F13A1: variants seen among roughly 807,000 people sequenced by gnomAD.
The protein encoded by F13A1 is coagulation factor XIII A chain, also known as FSF, A subunit.
In F13A1, 47 loss-of-function variants were observed where a neutral mutation model predicts 80.1. The ratio of observed to expected loss-of-function variants is 0.59; its 90% CI spans 0.46 to 0.75. The LOEUF (loss-of-function observed/expected upper bound fraction) is 0.75, where lower values mean the gene tolerates loss of function less well. F13A1 is among the 30% of genes least tolerant of loss of function. F13A1 has a pLI of 0.00. For missense variants in F13A1, 817 were observed against 930.4 expected (o/e 0.88, Z 1.59); for synonymous variants, 349 against 344.9 (o/e 1.01, Z -0.13).
chr6:6,314,599 G>A (rs1485980246), intron 2 of F13A1, among the ~76,000 whole-genome samples: 2 of 152,046 alleles, frequency 1.3e-5, no homozygotes, highest in Admixed American at 6.6e-5. Flanking sequence ...CCACCACACC[G>A]CTAGACATTG....
intron 8 of F13A1, among the ~76,000 whole-genome samples, chr6:6,198,296 GTAT>G (rs1489309029): frequency 1.3e-5 from 2 of 152,144 alleles, no homozygotes; most frequent in Non-Finnish European, 1.5e-5. Flanking sequence ...ATCATGAATT[GTAT>G]TATTATGTCC....
At position 6,253,071 on chromosome 6, in the gene F13A1, A is replaced by C. The variant is rs578174582; in HGVS notation, c.572-2142T>G. ...CTACTCGGGAGGCTGAGGCAGGAGA[A>C]TCGCTTGAGCCCAGGAGGCCGAGAT... On this transcript the variant is annotated intron_variant, in intron 4 of 14. Transcript: ENST00000264870. Among the ~76,000 whole-genome samples, 101 of 148,636 alleles carry C rather than the reference A, an allele frequency of 6.8e-4. 1 individual carries two copies. Among genetic ancestry groups the C allele is most frequent in the African/African-American group, 2.5e-3 (100 of 40,602 alleles).
chr6:6,283,753 T>A (rs1453897966), intron 3 of F13A1, among the ~76,000 whole-genome samples: 2 of 152,194 alleles, frequency 1.3e-5, no homozygotes, highest in Non-Finnish European at 2.9e-5. Context: ...GGAGCACCAA[T>A]CTTGATTCTT....
At position 6,145,315 on chromosome 6, in the gene F13A1, G is replaced by C. The variant is rs1760256871; in HGVS notation, c.*304C>G. The C allele has an allele frequency of 2.5e-6, 1 of 396,736 alleles. No homozygotes were observed. The highest frequency in any genetic ancestry group is 4.8e-6 in the Non-Finnish European group (1 of 209,500). The allele number at this position is 396,736 out of a possible 1,614,324, so 24.6% of individuals were successfully genotyped here. ...TGGTAAGAGAGCCCACTGATATTTG[G>C]AGATGTAGCCATTTGTGATGATAAA... On this transcript the variant is annotated 3_prime_UTR_variant, in exon 15 of 15. Transcript: ENST00000264870.
At chr6:6,209,639 C>T (rs1761565714) in intron 8 of F13A1, among the ~76,000 whole-genome samples, 1 of 152,148 alleles carries the variant, frequency 6.6e-6, no homozygotes, top group Admixed American at 6.5e-5. Context: ...CCTGGTTTAT[C>T]CACACAATGA....
chr6:6,170,556 G>A (rs932967899), intron 12 of F13A1, among the ~76,000 whole-genome samples: 4 of 152,174 alleles, frequency 2.6e-5, no homozygotes, highest in South Asian at 2.1e-4. Flanking sequence ...TATCATTTAC[G>A]GTGTCTGGGG....
intron 10 of F13A1, among the ~76,000 whole-genome samples, chr6:6,193,546 G>A (rs767323141): frequency 2.0e-5 from 3 of 152,140 alleles, no homozygotes; most frequent in East Asian, 1.9e-4. Flanking sequence ...CCCCTGGAGC[G>A]CAGCCCATGC....
chr6:6,247,355 AATATAAGTATTTCT>A (rs1757566538), intron 6 of F13A1, among the ~76,000 whole-genome samples: 2 of 152,220 alleles, frequency 1.3e-5, no homozygotes, highest in Admixed American at 1.3e-4. Flanking sequence ...GGAAATTGGT[AATATAAGTATTTCT>A]TTTTTTCAGT....
chr6:6,271,490 A>G (rs1252829496), intron 3 of F13A1, among the ~76,000 whole-genome samples: 1 of 152,154 alleles, frequency 6.6e-6, no homozygotes, highest in African/African-American at 2.4e-5. Flanking sequence ...GTTTGCCTAG[A>G]GTATATAATG....
intron 8 of F13A1, among the ~76,000 whole-genome samples, chr6:6,214,300 G>A (rs1323907992): frequency 6.6e-6 from 1 of 151,868 alleles, no homozygotes; most frequent in African/African-American, 2.4e-5. Flanking sequence ...CTCAGCAAAT[G>A]TAAAAGAACA....
intron 12 of F13A1, among the ~76,000 whole-genome samples, chr6:6,168,372 T>C (rs1159457133): frequency 1.3e-5 from 2 of 152,104 alleles, no homozygotes; most frequent in African/African-American, 2.4e-5. Flanking sequence ...GGGCTGAGGA[T>C]GGTGAGTTCT....
Position 6,197,306 on chromosome 6 carries a change from T to G in F13A1, c.1133A>C (p.Glu378Ala). 1 of 1,614,152 alleles carries G rather than the reference T, an allele frequency of 6.2e-7. No individual in the cohort carries two copies. Among genetic ancestry groups the G allele is most frequent in the Non-Finnish European group, 8.5e-7 (1 of 1,180,002 alleles). Residue 378 changes from glutamate to alanine, a missense_variant, in exon 9 of 15, where the codon GAA becomes GCA. Physicochemically the swap from Glu to Ala is moderately radical, Grantham distance 107. Transcript: ENST00000264870. ...DSVWNYHCWN[E>A]AWMTRPDLPV... ...AAGGTCAGGCCTTGTCATCCATGCT[T>G]CATTCCAGCAGTGGTAGTTCCTTAG... is the stretch of plus-strand genomic sequence containing the variant.
intron 11 of F13A1, among the ~76,000 whole-genome samples, chr6:6,178,050 G>C (rs891781224): frequency 8.8e-5 from 12 of 136,584 alleles, no homozygotes; most frequent in East Asian, 2.5e-4. Flanking sequence ...GGAGAGGGGG[G>C]GGGGGGTGGG....
At position 6,305,332 on chromosome 6, in the gene F13A1, G is replaced by A; in HGVS notation, c.319+19C>T. ...TGCAACCCATGGTGTCAAGACTGGA[G>A]CTTGCACATGGCACTCACCAATGAC... On this transcript the variant is annotated intron_variant, in intron 3 of 14. Transcript: ENST00000264870. 6.2e-7 allele frequency: 1 copy of A among 1,614,024 alleles called. No homozygotes were observed. Among genetic ancestry groups the A allele is most frequent in the Non-Finnish European group, 8.5e-7 (1 of 1,179,894 alleles).
rs757638656 is a variant in F13A1 at position 6,320,593 on chromosome 6, G to A, written c.-25C>T. ...TGCAGGGTCGGTGGCTTACCTGCAGGCGCTCCCCTCCAGAGGTGCCCTCGC... is the reference window on the plus strand; with the variant it reads ...TGCAGGGTCGGTGGCTTACCTGCAGACGCTCCCCTCCAGAGGTGCCCTCGC... On this transcript the variant is annotated 5_prime_UTR_variant, in exon 1 of 15. Transcript: ENST00000264870. 1 of 469,008 alleles carries A rather than the reference G, an allele frequency of 2.1e-6. No individual in the cohort carries two copies. Among genetic ancestry groups the A allele is most frequent in the Non-Finnish European group, 4.4e-6 (1 of 225,872 alleles). The allele number at this position is 469,008 out of a possible 1,614,324, so 29.1% of individuals were successfully genotyped here.
At chr6:6,263,216 C>T (rs1021444674) in intron 4 of F13A1, among the ~76,000 whole-genome samples, 6 of 152,190 alleles carry the variant, frequency 3.9e-5, no homozygotes, top group African/African-American at 9.7e-5. Context: ...CATCTCCCGC[C>T]GTCTCTACTT....
intron 8 of F13A1, among the ~76,000 whole-genome samples, chr6:6,197,654 G>A (rs2151082766): frequency 6.7e-6 from 1 of 150,084 alleles, no homozygotes; most frequent in African/African-American, 2.5e-5. Context: ...CTTCAGCCTG[G>A]TGACAGAGGG....
intron 8 of F13A1, among the ~76,000 whole-genome samples, chr6:6,204,755 C>G (rs575057577): frequency 6.6e-6 from 1 of 152,294 alleles, no homozygotes; most frequent in Non-Finnish European, 1.5e-5. Context: ...AGGAATTATT[C>G]AGAGGAAAGA....
chr6:6,152,632 G>T (rs752355321), intron 13 of F13A1, among the ~76,000 whole-genome samples: 1 of 152,092 alleles, frequency 6.6e-6, no homozygotes, highest in African/African-American at 2.4e-5. Context: ...TTAACAGTGG[G>T]GACTCAGGTG....
Sources: gnomAD v4.1 joint callset for allele counts (sites outside exome capture counted in the v4.1 genomes callset) on GRCh38, gnomAD v4.1.1 for gene constraint, MANE v1.5 for transcripts, NCBI Gene and HGNC (gene_info 2026-07-23, HGNC 2026-07-21) for gene names.